The following ADCY1 variants were observed in gnomAD, a reference collection of about 807,000 sequenced individuals.
The protein encoded by ADCY1 is adenylate cyclase type 1.
In ADCY1, 28 loss-of-function variants were observed where a neutral mutation model predicts 105.4. The ratio of observed to expected loss-of-function variants is 0.27; its 90% CI spans 0.20 to 0.36. The LOEUF (loss-of-function observed/expected upper bound fraction) is 0.36. Among genes scored for constraint, ADCY1 ranks in the 10% least tolerant of loss-of-function variants. The pLI is 1.00. For synonymous variants in ADCY1, 655 were observed against 623.8 expected, an observed-to-expected ratio of 1.05 and a Z score of -0.75; for missense variants, 977 against 1,434.2, an observed-to-expected ratio of 0.68 and a Z score of 5.15.
chr7:45,583,225 G>A (rs1439422303), intron 1 of ADCY1, among the ~76,000 whole-genome samples: 1 of 152,258 alleles, frequency 6.6e-6, no homozygotes, highest in East Asian at 1.9e-4. Context: ...GTGCATGCAT[G>A]TGTGTTCTTA....
Position 45,714,243 on chromosome 7 carries a change from G to T in ADCY1, c.*248G>T, listed in dbSNP as rs1703091802. On this transcript the variant is annotated 3_prime_UTR_variant, in exon 20 of 20. Coordinates refer to ENST00000297323, the MANE Select transcript of ADCY1 (RefSeq NM_021116.4). ...CACACTTCCAGGCCTCCCTGGAGAG[G>T]TGTCCACTCCATCCTTCCCTCCGTG... 1.7e-5 allele frequency: 9 copies of T among 536,154 alleles called. No individual in the cohort carries two copies. The highest frequency in any genetic ancestry group is 2.6e-5 in the Non-Finnish European group (8 of 302,492). 33.2% of individuals were successfully genotyped at this position (536,154 alleles called of 1,614,324 possible). A position where few individuals can be genotyped will look rare whatever the true frequency, so the allele number is the denominator to read the frequency against.
At position 45,599,615 on chromosome 7, in the gene ADCY1, A is replaced by G. The variant is rs543186015; in HGVS notation, c.789+6707A>G. On this transcript the variant is annotated intron_variant, in intron 2 of 19. Coordinates refer to ENST00000297323, the MANE Select transcript of ADCY1 (RefSeq NM_021116.4). ...GCTGTGAGGAGGTTTGTGGGTACCC[A>G]GTTGTTTGCCATATCTGTTTTTTTT... Among the ~76,000 whole-genome samples, 20 of 146,228 alleles carry G rather than the reference A, an allele frequency of 1.4e-4. No individual in the cohort carries two copies. In the South Asian group the frequency reaches 4.1e-3, roughly 30 times the overall value.
At chr7:45,693,893 C>T (rs1284380708) in intron 14 of ADCY1, among the ~76,000 whole-genome samples, 1 of 128,652 alleles carries the variant, frequency 7.8e-6, no homozygotes, top group African/African-American at 3.0e-5. Flanking sequence ...CATATTCTCA[C>T]TCATAGGTGG....
At chr7:45,627,533 TG>T (rs916684181) in intron 4 of ADCY1, among the ~76,000 whole-genome samples, 10 of 152,172 alleles carry the variant, frequency 6.6e-5, no homozygotes, top group African/African-American at 2.4e-4. Flanking sequence ...CCTGTTTAAG[TG>T]GGACAGTGCC....
chr7:45,610,705 TG>T (rs1562686816), intron 3 of ADCY1, among the ~76,000 whole-genome samples: 6 of 53,366 alleles, frequency 1.1e-4, no homozygotes, highest in South Asian at 6.5e-4. Flanking sequence ...ATAGTGGAGG[TG>T]ATGGTGGAGG....
In ADCY1 at chr7:45,660,084, G is replaced by C; in HGVS notation, c.1350G>C (p.Gly450=). Reference sequence around the variant, plus strand: ...AGACGACCCTAGCGTGCTTGAATGGGGACTACGAGGTAGAACCGGGTTACG... The same window carrying C: ...AGACGACCCTAGCGTGCTTGAATGGCGACTACGAGGTAGAACCGGGTTACG... ...ITKTTLACLN[G]DYEVEPGYGH... The change falls in exon 7 of 20, where the codon GGG becomes GGC. Residue 450 remains glycine, a synonymous_variant. Transcript: ENST00000297323. The C allele has an allele frequency of 6.2e-7, 1 of 1,614,178 alleles. No homozygotes were observed. The highest frequency in any genetic ancestry group is 8.5e-7 in the Non-Finnish European group (1 of 1,180,024).
In ADCY1 at chr7:45,686,918, G is replaced by T. The variant is rs1234487323; in HGVS notation, c.2454+245G>T. ...AAGGTTGTGGGGTGCATGTTGTGGA[G>T]ACCTGCCTGATGGTCAGAGCGTGGC... On this transcript the variant is annotated intron_variant, in intron 14 of 19. Coordinates refer to ENST00000297323, the MANE Select transcript of ADCY1 (RefSeq NM_021116.4). This position sits in a 1 kb window ranked among gnomAD's most constrained non-coding sequence, Gnocchi z 4.3. Among the ~76,000 whole-genome samples, 1 of 152,210 alleles carries T rather than the reference G, an allele frequency of 6.6e-6. No homozygotes were observed. Among genetic ancestry groups the T allele is most frequent in the Non-Finnish European group, 1.5e-5 (1 of 68,038 alleles).
At chr7:45,704,428 CG>C in intron 16 of ADCY1, 89 bp from the exon 17 acceptor site, 1 of 1,071,168 alleles carries the variant, frequency 9.3e-7, no homozygotes, top group East Asian at 2.4e-5. Flanking sequence ...ATGTGTCCAT[CG>C]GCTCTGCTGT....
intron 1 of ADCY1, among the ~76,000 whole-genome samples, chr7:45,578,041 C>G (rs531037916): frequency 6.6e-6 from 1 of 152,334 alleles, no homozygotes. Flanking sequence ...ATTCATTGTT[C>G]CAGTTCTGGT....
At chr7:45,658,015 C>A in intron 6 of ADCY1, 130 bp downstream of exon 6, 2 of 1,079,594 alleles carry the variant, frequency 1.9e-6, no homozygotes, top group African/African-American at 1.6e-5. Context: ...GAGGAGCCTG[C>A]CTGTCCCAGC....
chr7:45,699,225 G>A (rs1272238641), intron 14 of ADCY1, among the ~76,000 whole-genome samples: 1 of 152,200 alleles, frequency 6.6e-6, no homozygotes, highest in Non-Finnish European at 1.5e-5. Context: ...TAGGGTGAGG[G>A]CATTTCAGTC....
chr7:45,650,870 G>T (rs977900285), intron 5 of ADCY1, among the ~76,000 whole-genome samples: 2 of 152,028 alleles, frequency 1.3e-5, no homozygotes, highest in Non-Finnish European at 2.9e-5. Context: ...TCTGCACCTG[G>T]CCTGGAGCTG....
At chr7:45,610,768 T>C (rs1562687008) in intron 3 of ADCY1, among the ~76,000 whole-genome samples, 1 of 140,922 alleles carries the variant, frequency 7.1e-6, no homozygotes, top group Non-Finnish European at 1.6e-5. Flanking sequence ...GTAGAGGTGA[T>C]AGTGGAGGTG....
At position 45,693,811 on chromosome 7, in the gene ADCY1, T is replaced by C. The variant is rs1189342203; in HGVS notation, c.2454+7138T>C. Among the ~76,000 whole-genome samples the C allele has an allele frequency of 6.9e-4, 99 of 143,334 alleles. No homozygotes were observed. The South Asian group carries it at 0.023, about 34-fold the overall frequency. The allele number at this position is 143,334 out of a possible 152,430, so 94.0% of individuals were successfully genotyped here. On this transcript the variant is annotated intron_variant, in intron 14 of 19. Coordinates refer to ENST00000297323, the MANE Select transcript of ADCY1 (RefSeq NM_021116.4). ...TAAAAAATGATGAGTTCATATCCTT[T>C]GTAGGGACATGGATGAAATTGGAAA...
intron 4 of ADCY1, among the ~76,000 whole-genome samples, chr7:45,624,336 G>A (rs1263588174): frequency 6.6e-6 from 1 of 151,860 alleles, no homozygotes; most frequent in Non-Finnish European, 1.5e-5. Context: ...GAGAGGTTAA[G>A]GTAGGAGGGG....
At chr7:45,638,236 C>T (rs1041965675) in intron 4 of ADCY1, among the ~76,000 whole-genome samples, 1 of 152,162 alleles carries the variant, frequency 6.6e-6, no homozygotes, top group African/African-American at 2.4e-5. Flanking sequence ...TTAGGGAGTT[C>T]CACTCTTGAG....
Position 45,715,031 on chromosome 7 carries a change from G to C in ADCY1, c.*1036G>C, listed in dbSNP as rs1262413620. The C allele has an allele frequency of 6.6e-6, 1 of 152,258 alleles. No homozygotes were observed. The highest frequency in any genetic ancestry group is 1.5e-5 in the Non-Finnish European group (1 of 68,052). 9.4% of individuals were successfully genotyped at this position (152,258 alleles called of 1,614,324 possible). On this transcript the variant is annotated 3_prime_UTR_variant, in exon 20 of 20. Transcript: ENST00000297323. ...ACCAACCCTCCAGGACGAAGTTTCA[G>C]AATTGGCTGATGGTCGTGAGTGCAG...
At chr7:45,695,935 A>G (rs747716180) in intron 14 of ADCY1, among the ~76,000 whole-genome samples, 4 of 152,196 alleles carry the variant, frequency 2.6e-5, no homozygotes, top group Non-Finnish European at 5.9e-5. Flanking sequence ...TCTTCTCAAG[A>G]GTGTGGAAAA....
chr7:45,613,996 T>G (rs944945594), intron 3 of ADCY1, among the ~76,000 whole-genome samples: 2 of 152,134 alleles, frequency 1.3e-5, no homozygotes, highest in African/African-American at 4.8e-5. Context: ...TAAACCTGCC[T>G]TACAAGCAAG....
Sources: allele counts gnomAD v4.1 joint callset (sites outside exome capture counted in the v4.1 genomes callset), GRCh38; gene constraint gnomAD v4.1.1; non-coding constraint Gnocchi (gnomAD v3.1); transcripts MANE v1.5; gene names NCBI Gene and HGNC (gene_info 2026-07-23, HGNC 2026-07-21).